Variants in ANKS1A observed in about 807,000 individuals in gnomAD.
ANKS1A encodes ankyrin repeat and SAM domain-containing protein 1A.
ANKS1A carries 55 observed loss-of-function variants against 120.3 expected under a neutral mutation model. That is an observed-to-expected ratio of 0.46 (90% CI 0.37 to 0.57). The LOEUF (loss-of-function observed/expected upper bound fraction) is 0.57, where lower values mean the gene tolerates loss of function less well. ANKS1A is among the 20% of genes least tolerant of loss of function. The probability of loss-of-function intolerance (pLI) is 0.00; values close to 1 mark genes in which losing one functional copy is unlikely to be tolerated. For synonymous variants in ANKS1A, 590 were observed against 604.7 expected (o/e 0.98, Z 0.36); for missense variants, 1,123 against 1,480.3 (o/e 0.76, Z 3.96).
rs1251108673 is a variant in ANKS1A at position 35,086,225 on chromosome 6, A to G, written c.3303+289A>G. ...AGCGGCCTGCAGGCAGCCCCCAGTA[A>G]CTGCGCCATCCCTGTGTCTGTGTCT... On this transcript the variant is annotated intron_variant, in intron 22 of 23. Transcript: ENST00000360359. The surrounding 1 kb of genome is among the most constrained non-coding windows in gnomAD (Gnocchi z 5.1). 1 of 1,365,898 alleles carries G rather than the reference A, an allele frequency of 7.3e-7. No individual in the cohort carries two copies. Among genetic ancestry groups the G allele is most frequent in the South Asian group, 1.2e-5 (1 of 81,312 alleles). 84.6% of individuals were successfully genotyped at this position (1,365,898 alleles called of 1,614,324 possible). A position where few individuals can be genotyped will look rare whatever the true frequency, so the allele number is the denominator to read the frequency against.
chr6:35,083,578 C>A, intron 20 of ANKS1A, 75 bp downstream of exon 20: 1 of 1,417,224 alleles, frequency 7.1e-7, no homozygotes, highest in Non-Finnish European at 1.0e-6. Context: ...CCAGGGCAAG[C>A]AACCCGGCTG....
chr6:34,962,751 T>C (rs1483204568), intron 1 of ANKS1A, among the ~76,000 whole-genome samples: 1 of 151,316 alleles, frequency 6.6e-6, no homozygotes, highest in Non-Finnish European at 1.5e-5. Flanking sequence ...ATCCCACCAT[T>C]GCACTCCAGC....
intron 10 of ANKS1A, among the ~76,000 whole-genome samples, chr6:35,002,215 T>C (rs1193765779): frequency 1.3e-5 from 2 of 151,856 alleles, no homozygotes; most frequent in Non-Finnish European, 2.9e-5. Flanking sequence ...GGCATTAGAC[T>C]CAGTTTATTC....
chr6:35,024,910 A>ATTCCC (rs1774536581), intron 11 of ANKS1A, among the ~76,000 whole-genome samples: 1 of 152,226 alleles, frequency 6.6e-6, no homozygotes, highest in African/African-American at 2.4e-5. Context: ...CATATTCTGC[A>ATTCCC]ATGTGCATTG....
At chr6:34,946,137 C>T (rs1182586925) in intron 1 of ANKS1A, among the ~76,000 whole-genome samples, 6 of 151,912 alleles carry the variant, frequency 3.9e-5, no homozygotes, top group East Asian at 3.9e-4. Context: ...TGTGCCACCA[C>T]GCCCAGCTAA....
intron 10 of ANKS1A, among the ~76,000 whole-genome samples, chr6:35,010,604 A>C (rs921691038): frequency 2.0e-5 from 3 of 152,242 alleles, no homozygotes; most frequent in African/African-American, 7.2e-5. Context: ...TAAAAGTCCC[A>C]TAACCAAGGA....
intron 10 of ANKS1A, among the ~76,000 whole-genome samples, chr6:34,994,696 G>C (rs1333250966): frequency 2.0e-5 from 3 of 152,188 alleles, no homozygotes; most frequent in Non-Finnish European, 2.9e-5. Flanking sequence ...GAGACCACCA[G>C]CCCCACGGCA....
In ANKS1A at chr6:35,084,135, G is replaced by A; in HGVS notation, c.3009G>A (p.Glu1003=). 3 of 1,614,174 alleles carry A rather than the reference G, an allele frequency of 1.9e-6. No individual in the cohort carries two copies. Among genetic ancestry groups the A allele is most frequent in the Non-Finnish European group, 1.7e-6 (2 of 1,180,024 alleles). The part of the protein sequence containing the change: ...IDASNKNVIA[E]HEIRNISCAA... Reference sequence around the variant, plus strand: ...TTCCCCAGCAGAACGTCATTGCAGAGCACGAGATCCGGAACATTTCCTGTG... The same window carrying A: ...TTCCCCAGCAGAACGTCATTGCAGAACACGAGATCCGGAACATTTCCTGTG... The change falls in exon 21 of 24, where the codon GAG becomes GAA. Residue 1003 remains glutamate, a synonymous_variant. Coordinates refer to ENST00000360359, the MANE Select transcript of ANKS1A (RefSeq NM_015245.3). This position sits in a 1 kb window ranked among gnomAD's most constrained non-coding sequence, Gnocchi z 4.8.
intron 11 of ANKS1A, among the ~76,000 whole-genome samples, chr6:35,053,611 C>T (rs1361815009): frequency 6.6e-6 from 1 of 152,218 alleles, no homozygotes; most frequent in Non-Finnish European, 1.5e-5. Context: ...AGCTTGTGGT[C>T]ATACAGTATC....
intron 11 of ANKS1A, among the ~76,000 whole-genome samples, chr6:35,033,417 G>T (rs947720601): frequency 1.3e-5 from 2 of 152,136 alleles, no homozygotes; most frequent in Non-Finnish European, 2.9e-5. Flanking sequence ...TATGATGCTG[G>T]TGGAATTCAT....
intron 1 of ANKS1A, among the ~76,000 whole-genome samples, chr6:34,963,781 C>T (rs1581757071): frequency 6.6e-6 from 1 of 152,238 alleles, no homozygotes; most frequent in East Asian, 1.9e-4. Flanking sequence ...CTAACACTTA[C>T]CTTTTGTCTT....
rs773577685 is a variant in ANKS1A at position 35,083,525 on chromosome 6, TTGG to T, written c.2994+26_2994+28del. ...CAAGGTGTGCTGCTTACAGGGACTC[TTGG>T]TGGGAGTGGGACCCACATCCCCGTC... On this transcript the variant is annotated intron_variant, in intron 20 of 23. Transcript: ENST00000360359. The T allele has an allele frequency of 3.4e-5, 55 of 1,611,674 alleles. No individual in the cohort carries two copies. The East Asian group carries it at 1.2e-3, about 35-fold the overall frequency.
chr6:34,969,644 C>G (rs1353699443), intron 2 of ANKS1A, among the ~76,000 whole-genome samples: 1 of 152,174 alleles, frequency 6.6e-6, no homozygotes, highest in African/African-American at 2.4e-5. Flanking sequence ...TAATATTTGT[C>G]TTGTATGATT....
At chr6:35,047,052 C>T (rs1374094818) in intron 11 of ANKS1A, among the ~76,000 whole-genome samples, 5 of 152,200 alleles carry the variant, frequency 3.3e-5, no homozygotes, top group Non-Finnish European at 7.3e-5. Context: ...GTGCTTTAAA[C>T]TGAAGTCTAG....
intron 11 of ANKS1A, among the ~76,000 whole-genome samples, chr6:35,022,530 CAAAG>C (rs144710026): frequency 0.051 from 7,754 of 152,162 alleles, 229 homozygotes; most frequent in Non-Finnish European, 0.067. Context: ...TTTTTGGTGA[CAAAG>C]AAGTCATAGA....
chr6:35,068,327 C>T (rs913381737), intron 13 of ANKS1A, among the ~76,000 whole-genome samples: 4 of 152,182 alleles, frequency 2.6e-5, no homozygotes, highest in African/African-American at 9.7e-5. Context: ...CACAGTGTCA[C>T]GGTGAACCAG....
At chr6:34,918,954 C>T (rs1018514628) in intron 1 of ANKS1A, among the ~76,000 whole-genome samples, 1 of 152,184 alleles carries the variant, frequency 6.6e-6, no homozygotes, top group Non-Finnish European at 1.5e-5. Context: ...CGGGTTCAAG[C>T]GATTCTCCCA....
the ANKS1A span, among the ~76,000 whole-genome samples, chr6:35,097,229 A>G: frequency 2.4e-5 from 2 of 84,034 alleles, no homozygotes; most frequent in South Asian, 7.7e-4. Context: ...TGCTTATAAA[A>G]GTTAGGTTCT....
intron 2 of ANKS1A, 36 bp from the exon 3 acceptor site, chr6:34,969,974 A>T (rs1771099006): frequency 6.2e-7 from 1 of 1,605,018 alleles, no homozygotes; most frequent in South Asian, 1.1e-5. Context: ...AAGACTTCTG[A>T]GTTCTACCAA....
Sources: gnomAD v4.1 joint callset for allele counts (sites outside exome capture counted in the v4.1 genomes callset) on GRCh38, gnomAD v4.1.1 for gene constraint, Gnocchi (gnomAD v3.1) non-coding constraint, MANE v1.5 for transcripts, NCBI Gene and HGNC (gene_info 2026-07-23, HGNC 2026-07-21) for gene names.